The following MYOM1 variants were observed in gnomAD, a reference collection of about 807,000 sequenced individuals.
MYOM1 encodes myomesin 1.
A neutral mutation model predicts 205.3 loss-of-function variants in MYOM1; 164 were observed. That is an observed-to-expected ratio of 0.80 (90% CI 0.70 to 0.91). The LOEUF is 0.91. Among genes scored for constraint, MYOM1 ranks in the 40% least tolerant of loss-of-function variants. The pLI, the probability that MYOM1 is intolerant of heterozygous loss-of-function variation, is 0.00. For missense variants in MYOM1, 2,011 were observed against 2,127.3 expected (o/e 0.95, Z 1.08); for synonymous variants, 772 against 789.4 (o/e 0.98, Z 0.37).
intron 1 of MYOM1, among the ~76,000 whole-genome samples, chr18:3,217,520 G>A (rs2081284046): frequency 6.6e-6 from 1 of 152,206 alleles, no homozygotes; most frequent in Admixed American, 6.5e-5. Context: ...GACATTTTAA[G>A]TGGGAAGCTG....
chr18:3,122,712 C>T (rs2079714277), intron 19 of MYOM1, among the ~76,000 whole-genome samples: 1 of 151,948 alleles, frequency 6.6e-6, no homozygotes, highest in African/African-American at 2.4e-5. Context: ...GAATTTATTC[C>T]AGGAATGCAA....
At position 3,173,760 on chromosome 18, in the gene MYOM1, A is replaced by G. The variant is rs1165573068; in HGVS notation, c.1174+178T>C. 2.0e-5 allele frequency among the ~76,000 whole-genome samples: 3 copies of G among 152,154 alleles called. No individual in the cohort carries two copies. The East Asian group carries it at 5.8e-4, about 29-fold the overall frequency. ...ACAAAGCAATTCGATTCAGAAAGAG[A>G]ACAGTAACCAAAAAATCTAAAAAAA... On this transcript the variant is annotated intron_variant, in intron 8 of 37. Transcript: ENST00000356443.
intron 2 of MYOM1, among the ~76,000 whole-genome samples, chr18:3,207,489 C>T (rs1353173355): frequency 6.6e-6 from 1 of 152,190 alleles, no homozygotes; most frequent in Non-Finnish European, 1.5e-5. Context: ...TATAAAGCAG[C>T]CCAGACACCA....
At chr18:3,069,340 T>C (rs1381209405) in intron 37 of MYOM1, among the ~76,000 whole-genome samples, 10 of 152,204 alleles carry the variant, frequency 6.6e-5, no homozygotes, top group African/African-American at 2.4e-4. Context: ...AAAATTCCAT[T>C]CTTGTATTTT....
chr18:3,090,902 G>A (rs1328498569), intron 26 of MYOM1, 100 bp from the exon 27 acceptor site: 1 of 1,432,228 alleles, frequency 7.0e-7, no homozygotes, highest in Non-Finnish European at 9.6e-7. Flanking sequence ...CCAAAGGCTA[G>A]ATGCAGTGCC....
In MYOM1 at chr18:3,083,427, C is replaced by CTTTT. The variant is rs35959808; in HGVS notation, c.4484+358_4484+361dup. Among the ~76,000 whole-genome samples the CTTTT allele has an allele frequency of 2.2e-3, 220 of 98,536 alleles. 7 individuals are homozygous for CTTTT. The highest frequency in any genetic ancestry group is 7.7e-3 in the African/African-American group (183 of 23,834). 64.6% of individuals were successfully genotyped at this position (98,536 alleles called of 152,430 possible). A position where few individuals can be genotyped will look rare whatever the true frequency, so the allele number is the denominator to read the frequency against. On this transcript the variant is annotated intron_variant, in intron 33 of 37. Coordinates refer to ENST00000356443, the MANE Select transcript of MYOM1 (RefSeq NM_003803.4). ...TCTTTTCTTTTTTCTTTTTCTTTTT[C>CTTTT]TTTTTTTTTTTTTTTTTTTGAGACA...
rs138037552 is a variant in MYOM1 at position 3,078,822 on chromosome 18, A to G, written c.4648+357T>C. Among the ~76,000 whole-genome samples the G allele has an allele frequency of 4.2e-3, 644 of 152,156 alleles. 2 individuals are homozygous for G. Among genetic ancestry groups the G allele is most frequent in the Non-Finnish European group, 6.3e-3 (430 of 67,990 alleles). ...GTATTTTTTTTGACTTTTTGCTTAT[A>G]AGTGAGCATTTTTAATATTTATTTA... On this transcript the variant is annotated intron_variant, in intron 34 of 37. Coordinates refer to ENST00000356443, the MANE Select transcript of MYOM1 (RefSeq NM_003803.4).
rs182726627 is a variant in MYOM1 at position 3,194,947 on chromosome 18, G to A, written c.291-989C>T. ...GTTAATGTATTTTTTAAGAGCCCCCGTCTAGAGAATCTCTAAAGACAAGGT... is the reference window on the plus strand; with the variant it reads ...GTTAATGTATTTTTTAAGAGCCCCCATCTAGAGAATCTCTAAAGACAAGGT... On this transcript the variant is annotated intron_variant, in intron 2 of 37. Transcript: ENST00000356443. Among the ~76,000 whole-genome samples the A allele has an allele frequency of 1.9e-3, 293 of 151,180 alleles. 1 individual carries two copies. The highest frequency in any genetic ancestry group is 6.8e-3 in the Middle Eastern group (2 of 292).
At chr18:3,201,729 G>T (rs772901056) in intron 2 of MYOM1, among the ~76,000 whole-genome samples, 2 of 148,692 alleles carry the variant, frequency 1.3e-5, no homozygotes, top group Non-Finnish European at 3.0e-5. Flanking sequence ...CTATAACCTC[G>T]ATCTCCCGGG....
intron 37 of MYOM1, among the ~76,000 whole-genome samples, chr18:3,071,461 C>G (rs767884821): frequency 1.3e-5 from 2 of 152,150 alleles, no homozygotes; most frequent in Non-Finnish European, 2.9e-5. Flanking sequence ...CAGGTTCAAG[C>G]AACTCTCCTG....
chr18:3,210,269 T>C (rs1033945920), intron 2 of MYOM1, among the ~76,000 whole-genome samples: 2 of 152,210 alleles, frequency 1.3e-5, no homozygotes, highest in African/African-American at 4.8e-5. Flanking sequence ...GTCGTCTCTA[T>C]TTTTAGCATT....
At chr18:3,139,637 TTGGA>T (rs1215961878) in intron 14 of MYOM1, among the ~76,000 whole-genome samples, 1 of 152,166 alleles carries the variant, frequency 6.6e-6, no homozygotes, top group Admixed American at 6.5e-5. Context: ...AGTTTGACAT[TTGGA>T]TGGTTCTGCA....
intron 6 of MYOM1, 94 bp downstream of exon 6, chr18:3,175,948 T>C (rs953331404): frequency 2.4e-5 from 18 of 762,628 alleles, no homozygotes; most frequent in African/African-American, 3.4e-5. Context: ...TCACACAGCA[T>C]TGGGATGAAG....
At chr18:3,206,782 T>C (rs1567968422) in intron 2 of MYOM1, among the ~76,000 whole-genome samples, 1 of 152,154 alleles carries the variant, frequency 6.6e-6, no homozygotes, top group Non-Finnish European at 1.5e-5. Flanking sequence ...AGAGTCCTCT[T>C]TTTGCTAATA....
intron 27 of MYOM1, among the ~76,000 whole-genome samples, chr18:3,089,854 C>T (rs1245813814): frequency 1.3e-5 from 2 of 152,150 alleles, no homozygotes; most frequent in Admixed American, 6.5e-5. Context: ...CCATTGCCTT[C>T]GTAACTGCCA....
At chr18:3,171,333 G>A (rs1257131792) in intron 8 of MYOM1, among the ~76,000 whole-genome samples, 1 of 152,158 alleles carries the variant, frequency 6.6e-6, no homozygotes, top group Admixed American at 6.5e-5. Context: ...ACAGCGCTGG[G>A]AGGCTGGGCT....
intron 6 of MYOM1, 107 bp downstream of exon 6, chr18:3,175,935 T>G: frequency 1.4e-6 from 1 of 709,672 alleles, no homozygotes; most frequent in Non-Finnish European, 2.5e-6. Flanking sequence ...TCCCTCAGTG[T>G]GATCACACAG....
intron 19 of MYOM1, among the ~76,000 whole-genome samples, chr18:3,123,832 T>TA (rs1372904874): frequency 8.1e-5 from 11 of 135,604 alleles, no homozygotes; most frequent in Middle Eastern, 8.1e-3. Context: ...TATTTATTTA[T>TA]TTTTTTTGAG....
chr18:3,134,056 C>T (rs1037424274), intron 16 of MYOM1, among the ~76,000 whole-genome samples: 14 of 151,796 alleles, frequency 9.2e-5, no homozygotes, highest in African/African-American at 1.5e-4. Context: ...GGCAGGTTTT[C>T]GCCAGGTTGC....
Sources: gnomAD v4.1 joint callset for allele counts (sites outside exome capture counted in the v4.1 genomes callset) on GRCh38, gnomAD v4.1.1 for gene constraint, MANE v1.5 for transcripts, NCBI Gene and HGNC (gene_info 2026-07-23, HGNC 2026-07-21) for gene names.